Variants in GC observed in about 807,000 individuals in gnomAD.
The protein encoded by GC is GC vitamin D binding protein.
In GC, 43 loss-of-function variants were observed where a neutral mutation model predicts 56.7. That is an observed-to-expected ratio of 0.76 (90% CI 0.59 to 0.98). The LOEUF is 0.98. Among genes scored for constraint, GC ranks in the 50% least tolerant of loss-of-function variants. The pLI, the probability that GC is intolerant of heterozygous loss-of-function variation, is 0.00. For synonymous variants in GC, 216 were observed against 202.7 expected, an observed-to-expected ratio of 1.07 and a Z score of -0.56; for missense variants, 529 against 545.9, an observed-to-expected ratio of 0.97 and a Z score of 0.31.
intron 12 of GC, among the ~76,000 whole-genome samples, chr4:71,745,225 G>C (rs1741326354): frequency 2.0e-5 from 3 of 152,180 alleles, no homozygotes; most frequent in Admixed American, 1.3e-4. Flanking sequence ...TTCACAGACA[G>C]ATAGTTAGAG....
intron 4 of GC, 134 bp downstream of exon 4, chr4:71,765,298 C>G (rs1462302033): frequency 1.4e-6 from 1 of 706,848 alleles, no homozygotes; most frequent in Middle Eastern, 4.0e-4. Context: ...GATGGGCTGT[C>G]TCAGATGACA....
At chr4:71,753,484 C>CAAA (rs202008117) in intron 10 of GC, among the ~76,000 whole-genome samples, 4 of 94,118 alleles carry the variant, frequency 4.2e-5, no homozygotes, top group East Asian at 2.6e-4. Context: ...TCAAAGGAGG[C>CAAA]AAAAAAAAAA....
intron 1 of GC, among the ~76,000 whole-genome samples, chr4:71,789,554 C>T (rs865212): frequency 6.6e-6 from 1 of 151,866 alleles, no homozygotes; most frequent in South Asian, 2.1e-4. Context: ...ATTCTCTATA[C>T]TGAAGGAGAA....
chr4:71,763,320 A>G (rs1481515039), intron 6 of GC, 88 bp downstream of exon 6: 4 of 610,564 alleles, frequency 6.6e-6, no homozygotes, highest in African/African-American at 5.6e-5. Context: ...ATCTTTCAAT[A>G]TAGACAGCTT....
chr4:71,769,622 G>C, intron 1 of GC: 1 of 481,150 alleles, frequency 2.1e-6, no homozygotes, highest in Non-Finnish European at 3.8e-6. Context: ...CAGAACAAAA[G>C]GAGAGAGTAA....
At chr4:71,799,690 T>C (rs1428017870) in intron 1 of GC, among the ~76,000 whole-genome samples, 1 of 152,164 alleles carries the variant, frequency 6.6e-6, no homozygotes, top group Non-Finnish European at 1.5e-5. Context: ...TTGAAGATTT[T>C]ACCTGGGAGG....
chr4:71,779,794 AGGGAG>A (rs1465649336), intron 1 of GC, among the ~76,000 whole-genome samples: 1 of 151,792 alleles, frequency 6.6e-6, no homozygotes, highest in Non-Finnish European at 1.5e-5. Flanking sequence ...ATTGATTTTC[AGGGAG>A]GTTAACATTG....
intron 1 of GC, among the ~76,000 whole-genome samples, chr4:71,792,068 A>G (rs1742982631): frequency 1.3e-5 from 2 of 152,164 alleles, no homozygotes; most frequent in African/African-American, 4.8e-5. Flanking sequence ...TCTATCATTG[A>G]TGGACATTTG....
chr4:71,768,209 G>A (rs1742218552), intron 3 of GC, 92 bp downstream of exon 3: 6 of 983,086 alleles, frequency 6.1e-6, no homozygotes, highest in Non-Finnish European at 8.8e-6. Context: ...AAATGGAGTT[G>A]CTGTCTAAAA....
intron 12 of GC, 27 bp downstream of exon 12, chr4:71,746,124 G>T: frequency 1.2e-6 from 1 of 814,384 alleles, no homozygotes; most frequent in Non-Finnish European, 2.2e-6. Context: ...TGGATCCGTT[G>T]GTCCTGCATT....
intron 1 of GC, among the ~76,000 whole-genome samples, chr4:71,791,973 T>A (rs182499087): frequency 2.4e-4 from 37 of 152,332 alleles, no homozygotes; most frequent in Admixed American, 3.3e-4. Context: ...GCTTCATCCA[T>A]GTCCCTGCAA....
At chr4:71,800,604 C>T (rs1743225071) in intron 1 of GC, among the ~76,000 whole-genome samples, 1 of 152,152 alleles carries the variant, frequency 6.6e-6, no homozygotes, top group South Asian at 2.1e-4. Context: ...CCCAGTAATG[C>T]GATTGCTGGG....
intron 4 of GC, 113 bp downstream of exon 4, chr4:71,765,319 C>T (rs1054971383): frequency 7.5e-5 from 60 of 802,018 alleles, no homozygotes; most frequent in Admixed American, 7.0e-4. Flanking sequence ...GTCAAGTTAT[C>T]AGAATTTGTT....
At chr4:71,765,409 C>G in intron 4 of GC, 23 bp downstream of exon 4, 2 of 1,578,046 alleles carry the variant, frequency 1.3e-6, no homozygotes, top group Non-Finnish European at 1.7e-6. Flanking sequence ...TCCTAAAGTT[C>G]TATTTATGAT....
intron 4 of GC, among the ~76,000 whole-genome samples, chr4:71,764,951 A>C (rs1742111183): frequency 6.6e-6 from 1 of 152,172 alleles, no homozygotes; most frequent in South Asian, 2.1e-4. Context: ...TTACGTGTTT[A>C]CTTGATGTAG....
At position 71,765,460 on chromosome 4, in the gene GC, T is replaced by C; in HGVS notation, c.445A>G (p.Arg149Gly). Residue 149 changes from arginine (R) to glycine (G), a missense_variant, in exon 4 of 13, where the codon AGG (arginine) becomes GGG (glycine). Arg to Gly is a moderately radical substitution (Grantham distance 125, BLOSUM62 -2). Coordinates refer to ENST00000273951, the MANE Select transcript of GC (RefSeq NM_000583.4). ...PTNDEICEAF[R>G]KDPKEYANQF... is the part of the protein sequence containing the mutation. ...TTAGCATATTCCTTTGGATCTTTCC[T>C]GAACGCCTCACAGATTTCATCATTT... The C allele has an allele frequency of 6.2e-7, 1 of 1,613,916 alleles. No individual in the cohort carries two copies. The highest frequency in any genetic ancestry group is 8.5e-7 in the Non-Finnish European group (1 of 1,179,894).
intron 1 of GC, among the ~76,000 whole-genome samples, chr4:71,775,246 C>CT (rs1742470995): frequency 6.6e-6 from 1 of 151,868 alleles, no homozygotes; most frequent in Non-Finnish European, 1.5e-5. Flanking sequence ...CATGAAGGTT[C>CT]TTTCAGGGCA....
chr4:71,755,911 T>G (rs974035487), intron 8 of GC, among the ~76,000 whole-genome samples: 9 of 152,232 alleles, frequency 5.9e-5, no homozygotes, highest in Non-Finnish European at 1.5e-5. Context: ...CTGATATTGC[T>G]AATTGATATT....
chr4:71,796,654 G>A (rs891303710), intron 1 of GC, among the ~76,000 whole-genome samples: 90 of 152,206 alleles, frequency 5.9e-4, no homozygotes, highest in African/African-American at 1.9e-3. Flanking sequence ...ACCTTCTGAA[G>A]CCTACTTCTG....
Sources: allele counts gnomAD v4.1 joint callset (sites outside exome capture counted in the v4.1 genomes callset), GRCh38; gene constraint gnomAD v4.1.1; transcripts MANE v1.5; gene names NCBI Gene and HGNC (gene_info 2026-07-23, HGNC 2026-07-21).